The following EXOSC10 variants were observed in gnomAD, a reference collection of about 807,000 sequenced individuals.
EXOSC10 encodes the protein exosome component 10.
In EXOSC10, 94 loss-of-function variants were observed where a neutral mutation model predicts 126.6. That is an observed-to-expected ratio of 0.74 (90% CI 0.63 to 0.88). The LOEUF is 0.88. EXOSC10 is among the 40% of genes least tolerant of loss of function. The pLI, the probability that EXOSC10 is intolerant of heterozygous loss-of-function variation, is 0.00. For missense variants in EXOSC10, 1,041 were observed against 1,100.5 expected, an observed-to-expected ratio of 0.95 and a Z score of 0.77; for synonymous variants, 395 against 400.8, an observed-to-expected ratio of 0.99 and a Z score of 0.17.
At chr1:11,081,295 T>C in intron 10 of EXOSC10, 57 bp from the exon 11 acceptor site, 1 of 1,594,308 alleles carries the variant, frequency 6.3e-7, no homozygotes, top group African/African-American at 1.3e-5. Context: ...CAATTCAATT[T>C]GTCTATTCCT....
chr1:11,077,284 C>A (rs776529668), intron 16 of EXOSC10, 81 bp downstream of exon 16: 3 of 1,452,698 alleles, frequency 2.1e-6, no homozygotes, highest in Non-Finnish European at 2.8e-6. Context: ...AGCCACCACG[C>A]CCGGCCAAGC....
chr1:11,087,488 T>G lies in EXOSC10; in HGVS notation c.1049A>C (p.Tyr350Ser). Residue 350 changes from tyrosine (Y) to serine (S), a missense_variant, in exon 9 of 25, where the codon TAC becomes TCC. Tyr to Ser is a moderately radical substitution (Grantham distance 144, BLOSUM62 -2). This residue lies in a region of EXOSC10 where 645 missense variants were observed against 656.3 expected (regional missense o/e 0.98). Coordinates refer to ENST00000376936, the MANE Select transcript of EXOSC10 (RefSeq NM_001001998.3). ...IDTLELRSDM[Y>S]ILNESLTDPA... is the part of the protein sequence containing the mutation. Reference sequence around the variant, plus strand: ...GTCTGTGAGGCTCTCATTGAGAATGTACATGTCACTTCGAAGCTCGAGGGT... The same window carrying G: ...GTCTGTGAGGCTCTCATTGAGAATGGACATGTCACTTCGAAGCTCGAGGGT... 1 of 1,614,114 alleles carries G rather than the reference T, an allele frequency of 6.2e-7. No individual in the cohort carries two copies. Among genetic ancestry groups the G allele is most frequent in the Non-Finnish European group, 8.5e-7 (1 of 1,180,006 alleles).
intron 9 of EXOSC10, among the ~76,000 whole-genome samples, chr1:11,086,160 C>G (rs2100994329): frequency 6.6e-6 from 1 of 151,532 alleles, no homozygotes; most frequent in East Asian, 1.9e-4. Context: ...AGGATTCCCT[C>G]TTTTTCTATT....
In EXOSC10 at chr1:11,090,700, T is replaced by C. The variant is rs924874486; in HGVS notation, c.644-32A>G. 2.0e-6 allele frequency: 3 copies of C among 1,479,374 alleles called. No individual in the cohort carries two copies. The Admixed American group carries it at 6.1e-5, about 30-fold the overall frequency. 91.6% of individuals were successfully genotyped at this position (1,479,374 alleles called of 1,614,324 possible). A position where few individuals can be genotyped will look rare whatever the true frequency, so the allele number is the denominator to read the frequency against. On this transcript the variant is annotated intron_variant, in intron 5 of 24. Transcript: ENST00000376936. Reference sequence around the variant, plus strand: ...ATCCCAGCAGTGACAAAAACATCATTAGCACATTCATGTCTTTTCTAATTA... The same window carrying C: ...ATCCCAGCAGTGACAAAAACATCATCAGCACATTCATGTCTTTTCTAATTA...
At chr1:11,079,412 G>A (rs964651949) in intron 14 of EXOSC10, among the ~76,000 whole-genome samples, 2 of 82,890 alleles carry the variant, frequency 2.4e-5, no homozygotes, top group Non-Finnish European at 4.7e-5. Context: ...TTTTTTTTTT[G>A]AGACGGAGTC....
intron 20 of EXOSC10, 44 bp from the exon 21 acceptor site, chr1:11,071,017 ACCAC>A: frequency 6.3e-7 from 1 of 1,578,112 alleles, no homozygotes; most frequent in South Asian, 1.1e-5. Context: ...GAATCCAGCA[ACCAC>A]CCTCCCCTCC....
chr1:11,092,269 T>G (rs1570852000), intron 3 of EXOSC10, among the ~76,000 whole-genome samples: 1 of 152,038 alleles, frequency 6.6e-6, no homozygotes, highest in Non-Finnish European at 1.5e-5. Flanking sequence ...CAGGCTGAAG[T>G]GTAATGGCGT....
chr1:11,095,757 C>A lies in EXOSC10; in HGVS notation c.372+1G>T, dbSNP rs750976603. On this transcript the variant is annotated splice_donor_variant, in intron 3 of 24. Transcript: ENST00000376936. LOFTEE classifies it high-confidence loss of function. ...AAAAAAGAGTAAGGGAAAATACTCACCACTCTCTCCAGAATTACATCATTG... is the reference window on the plus strand; with the variant it reads ...AAAAAAGAGTAAGGGAAAATACTCAACACTCTCTCCAGAATTACATCATTG... 3 of 1,613,672 alleles carry A rather than the reference C, an allele frequency of 1.9e-6. No homozygotes were observed. The highest frequency in any genetic ancestry group is 1.1e-5 in the South Asian group (1 of 91,060).
intron 19 of EXOSC10, 44 bp downstream of exon 19, chr1:11,073,877 CAAAAAAAAAAAAA>C (rs770965502): frequency 3.7e-6 from 2 of 537,702 alleles, no homozygotes; most frequent in African/African-American, 8.4e-5. Context: ...GACTCCATCT[CAAAAAAAAAAAAA>C]AAAAAAAAAA....
chr1:11,081,814 G>A lies in EXOSC10; in HGVS notation c.1281-576C>T, dbSNP rs186769055. 1.8e-3 allele frequency among the ~76,000 whole-genome samples: 267 copies of A among 152,108 alleles called. 3 individuals are homozygous for A. Among genetic ancestry groups the A allele is most frequent in the African/African-American group, 6.3e-3 (262 of 41,480 alleles). Reference sequence around the variant, plus strand: ...TCTGGCATTCTGGGCCAGGCGCGGTGGCTCACGCCTGTAATCCCAGCACTT... The same window carrying A: ...TCTGGCATTCTGGGCCAGGCGCGGTAGCTCACGCCTGTAATCCCAGCACTT... On this transcript the variant is annotated intron_variant, in intron 10 of 24. Transcript: ENST00000376936.
chr1:11,091,602 G>A lies in EXOSC10; in HGVS notation c.373-5C>T, dbSNP rs756265182. 3.1e-6 allele frequency: 5 copies of A among 1,607,360 alleles called. No individual in the cohort carries two copies. The Admixed American group carries it at 6.7e-5, about 21-fold the overall frequency. On this transcript the variant is annotated splice_region_variant and splice_polypyrimidine_tract_variant and intron_variant, in intron 3 of 24. Coordinates refer to ENST00000376936, the MANE Select transcript of EXOSC10 (RefSeq NM_001001998.3). ...GGCTTCATCCAGTAAAATACCCTAA[G>A]AGTAGAAGAGGTACTGGTTAAGCAT...
intron 1 of EXOSC10, 127 bp downstream of exon 1, chr1:11,099,594 G>A (rs1462311207): frequency 1.9e-6 from 2 of 1,027,830 alleles, no homozygotes; most frequent in Non-Finnish European, 2.7e-6. Flanking sequence ...CGCCCAGCGC[G>A]GACAGGGGCC....
intron 19 of EXOSC10, among the ~76,000 whole-genome samples, chr1:11,073,723 C>G (rs1172008356): frequency 3.3e-5 from 5 of 151,442 alleles, no homozygotes. Context: ...AACCCCATCT[C>G]TACAAAAATT....
chr1:11,082,634 A>C, intron 10 of EXOSC10, 54 bp downstream of exon 10: 2 of 1,604,436 alleles, frequency 1.2e-6, no homozygotes, highest in South Asian at 2.2e-5. Context: ...CGACAGGTTA[A>C]TGAATAATCA....
At chr1:11,096,727 C>T (rs1420548121) in intron 2 of EXOSC10, among the ~76,000 whole-genome samples, 1 of 152,090 alleles carries the variant, frequency 6.6e-6, no homozygotes, top group East Asian at 1.9e-4. Flanking sequence ...GATCCTTCTG[C>T]CTTTGCCTCC....
intron 6 of EXOSC10, among the ~76,000 whole-genome samples, chr1:11,089,071 A>C (rs1640651507): frequency 6.6e-6 from 1 of 151,920 alleles, no homozygotes; most frequent in African/African-American, 2.4e-5. Context: ...ATAAAAACTA[A>C]AATTAAAAAA....
At position 11,077,669 on chromosome 1, in the gene EXOSC10, G is replaced by C. The variant is rs199850798; in HGVS notation, c.1750-18C>G. 2.2e-5 allele frequency: 35 copies of C among 1,599,448 alleles called. No homozygotes were observed. In the East Asian group the frequency reaches 5.2e-4, roughly 24 times the overall value. On this transcript the variant is annotated intron_variant, in intron 14 of 24. Transcript: ENST00000376936. ...ACTTCAGACTAAGGAAAAAAACGAAGGGAATTGAGGAAAGTTGCCCAAGCA... is the reference window on the plus strand; with the variant it reads ...ACTTCAGACTAAGGAAAAAAACGAACGGAATTGAGGAAAGTTGCCCAAGCA...
At chr1:11,067,030 C>T (rs1639135543) in intron 24 of EXOSC10, among the ~76,000 whole-genome samples, 1 of 152,194 alleles carries the variant, frequency 6.6e-6, no homozygotes, top group African/African-American at 2.4e-5. Context: ...GGTGCAGTGG[C>T]TCACACCTGT....
intron 17 of EXOSC10, among the ~76,000 whole-genome samples, chr1:11,075,920 C>T (rs1327160500): frequency 7.0e-6 from 1 of 142,752 alleles, no homozygotes; most frequent in African/African-American, 2.6e-5. Flanking sequence ...AATCCCAGCA[C>T]TTTGGGAGGC....
Sources: allele counts gnomAD v4.1 joint callset (sites outside exome capture counted in the v4.1 genomes callset), GRCh38; gene constraint gnomAD v4.1.1; regional missense constraint gnomAD v4.1.1; transcripts MANE v1.5; gene names NCBI Gene and HGNC (gene_info 2026-07-23, HGNC 2026-07-21).